Variants in ZBTB20 observed in about 807,000 individuals in gnomAD.
ZBTB20 encodes the protein zinc finger and BTB domain-containing protein 20.
ZBTB20 carries 9 observed loss-of-function variants against 56.9 expected under a neutral mutation model. The ratio of observed to expected loss-of-function variants is 0.16; its 90% CI spans 0.10 to 0.28. ZBTB20 has a LOEUF of 0.28. Among genes scored for constraint, ZBTB20 ranks in the 10% least tolerant of loss-of-function variants. The probability of loss-of-function intolerance (pLI) is 1.00; values close to 1 mark genes in which losing one functional copy is unlikely to be tolerated. For synonymous variants in ZBTB20, 417 were observed against 420.7 expected (o/e 0.99, Z 0.11); for missense variants, 655 against 1,003.0 (o/e 0.65, Z 4.69).
chr3:114,852,245 C>CATTTTATTTT (rs146723029), intron 4 of ZBTB20, among the ~76,000 whole-genome samples: 4 of 151,516 alleles, frequency 2.6e-5, no homozygotes, highest in African/African-American at 4.8e-5. Context: ...TTTGAACTTT[C>CATTTTATTTT]ATTTTATTTT....
chr3:114,492,359 C>G (rs754768246), intron 7 of ZBTB20, among the ~76,000 whole-genome samples: 2 of 152,176 alleles, frequency 1.3e-5, no homozygotes, highest in Non-Finnish European at 2.9e-5. Flanking sequence ...ATCTCAAAAA[C>G]AGAACTTACA....
intron 2 of ZBTB20, among the ~76,000 whole-genome samples, chr3:114,997,506 TAA>T (rs2079075472): frequency 6.6e-6 from 1 of 151,152 alleles, no homozygotes; most frequent in South Asian, 2.1e-4. Context: ...TCCAAAGAAA[TAA>T]AGTAATTTTT....
At chr3:114,433,814 C>G (rs554889929) in intron 7 of ZBTB20, among the ~76,000 whole-genome samples, 2 of 152,120 alleles carry the variant, frequency 1.3e-5, no homozygotes, top group Non-Finnish European at 2.9e-5. Context: ...GTCCTCCTGG[C>G]TATAGAACCA....
chr3:114,366,842 C>T (rs1025580578), intron 10 of ZBTB20: 1 of 152,232 alleles, frequency 6.6e-6, no homozygotes, highest in East Asian at 1.9e-4. Context: ...TAAGATTACA[C>T]TTTTCCCAAC....
intron 4 of ZBTB20, among the ~76,000 whole-genome samples, chr3:114,844,417 A>G: frequency 7.8e-6 from 1 of 128,234 alleles, no homozygotes; most frequent in African/African-American, 3.2e-5. Flanking sequence ...GCTACTGGGA[A>G]GGCTGAGGCA....
intron 6 of ZBTB20, among the ~76,000 whole-genome samples, chr3:114,681,352 G>A (rs2061962869): frequency 6.6e-6 from 1 of 151,950 alleles, no homozygotes. Context: ...GTAGAGTTGG[G>A]GTTTTGCCAT....
chr3:114,441,467 C>T (rs1451136860), intron 7 of ZBTB20, among the ~76,000 whole-genome samples: 1 of 152,128 alleles, frequency 6.6e-6, no homozygotes, highest in Non-Finnish European at 1.5e-5. Context: ...ACTGCACTAT[C>T]AAAACCTTCA....
At chr3:114,553,121 G>A (rs1217540143) in intron 6 of ZBTB20, among the ~76,000 whole-genome samples, 1 of 152,108 alleles carries the variant, frequency 6.6e-6, no homozygotes, top group Non-Finnish European at 1.5e-5. Context: ...TTTTAGATTT[G>A]AGAAGCAATC....
chr3:114,604,271 A>G (rs887066204), intron 6 of ZBTB20, among the ~76,000 whole-genome samples: 3 of 152,052 alleles, frequency 2.0e-5, no homozygotes, highest in Admixed American at 6.6e-5. Context: ...CAAGATTGAG[A>G]ACAGTGTATA....
intron 3 of ZBTB20, among the ~76,000 whole-genome samples, chr3:114,969,349 T>C (rs1050166815): frequency 1.3e-5 from 2 of 152,076 alleles, no homozygotes; most frequent in African/African-American, 4.8e-5. Flanking sequence ...TTTAATCAAT[T>C]TACCCATCCA....
At chr3:114,676,157 C>T in intron 6 of ZBTB20, among the ~76,000 whole-genome samples, 1 of 152,186 alleles carries the variant, frequency 6.6e-6, no homozygotes, top group East Asian at 1.9e-4. Context: ...TTCTCCTGAT[C>T]CTCTTCCCCA....
At chr3:115,032,973 A>C (rs1221220024) in intron 2 of ZBTB20, among the ~76,000 whole-genome samples, 22 of 150,078 alleles carry the variant, frequency 1.5e-4, no homozygotes, top group African/African-American at 5.1e-4. Flanking sequence ...AAAAAAAAAA[A>C]AAAACAAACT....
In ZBTB20 at chr3:114,758,401, C is replaced by T. The variant is rs116233136; in HGVS notation, c.-343+42700G>A. On this transcript the variant is annotated intron_variant, in intron 5 of 11. Coordinates refer to ENST00000675478, the MANE Select transcript of ZBTB20 (RefSeq NM_001348800.3). ...AGGACACTTTAGTTATTATAGACGT[C>T]TGAAGTTTAAGTATTCCAAAACTAT... 7.7e-3 allele frequency among the ~76,000 whole-genome samples: 1,178 copies of T among 152,200 alleles called. 11 individuals are homozygous for T. The highest frequency in any genetic ancestry group is 0.026 in the African/African-American group (1,066 of 41,550).
chr3:114,679,962 AGGATGACATCATGTCCCTTGCAGGGACAT>A (rs2061871807), intron 6 of ZBTB20, among the ~76,000 whole-genome samples: 1 of 152,248 alleles, frequency 6.6e-6, no homozygotes, highest in Non-Finnish European at 1.5e-5. Flanking sequence ...GCCATAAAAA[AGGATGACATCATGTCCCTTGCAGGGACAT>A]GGATGAAGCT....
rs1356825646 is a variant in ZBTB20 at position 114,337,707 on chromosome 3, T to C, written c.*1298A>G. 6.6e-6 allele frequency: 1 copy of C among 151,988 alleles called. No homozygotes were observed. The highest frequency in any genetic ancestry group is 2.4e-5 in the African/African-American group (1 of 41,390). 9.4% of individuals were successfully genotyped at this position (151,988 alleles called of 1,614,324 possible). A position where few individuals can be genotyped will look rare whatever the true frequency, so the allele number is the denominator to read the frequency against. On this transcript the variant is annotated 3_prime_UTR_variant, in exon 12 of 12. Coordinates refer to ENST00000675478, the MANE Select transcript of ZBTB20 (RefSeq NM_001348800.3). Reference sequence around the variant, plus strand: ...AAATTAAGAAAAATTAAAAAAAATATGAAGAAAATATCCTTCCTCTCTTTC... The same window carrying C: ...AAATTAAGAAAAATTAAAAAAAATACGAAGAAAATATCCTTCCTCTCTTTC...
Position 114,334,971 on chromosome 3 carries a change from T to C in ZBTB20, c.*4034A>G, listed in dbSNP as rs374086998. ...TTCCAATTATTTTCTTTTTTAGGAT[T>C]ATATTTCACACATTTGGGGGCCTTT... On this transcript the variant is annotated 3_prime_UTR_variant, in exon 12 of 12. Transcript: ENST00000675478. The C allele has an allele frequency of 1.3e-5, 2 of 152,340 alleles. No individual in the cohort carries two copies. The highest frequency in any genetic ancestry group is 2.1e-4 in the South Asian group (1 of 4,816). The allele number at this position is 152,340 out of a possible 1,614,324, so 9.4% of individuals were successfully genotyped here.
At chr3:114,487,608 C>T (rs1488860806) in intron 7 of ZBTB20, among the ~76,000 whole-genome samples, 4 of 152,172 alleles carry the variant, frequency 2.6e-5, no homozygotes, top group Non-Finnish European at 5.9e-5. Context: ...CAGCTTTGTA[C>T]AACTCCTGAC....
chr3:114,654,765 C>T (rs1330072549), intron 6 of ZBTB20, among the ~76,000 whole-genome samples: 1 of 152,092 alleles, frequency 6.6e-6, no homozygotes, highest in Non-Finnish European at 1.5e-5. Context: ...AGTTCTAGAA[C>T]AAGAATGTTA....
chr3:114,875,923 A>G (rs922379886), intron 4 of ZBTB20, among the ~76,000 whole-genome samples: 1 of 152,070 alleles, frequency 6.6e-6, no homozygotes, highest in African/African-American at 2.4e-5. Flanking sequence ...ACCATGGACA[A>G]TATTATACAT....
Sources: gnomAD v4.1 joint callset for allele counts (sites outside exome capture counted in the v4.1 genomes callset) on GRCh38, gnomAD v4.1.1 for gene constraint, MANE v1.5 for transcripts, NCBI Gene and HGNC (gene_info 2026-07-23, HGNC 2026-07-21) for gene names.